Variants in PCDHGB4 observed in about 807,000 individuals in gnomAD.
PCDHGB4 encodes the protein protocadherin gamma-B4.
A neutral mutation model predicts 60.5 loss-of-function variants in PCDHGB4; 38 were observed. That is an observed-to-expected ratio of 0.63 (90% CI 0.48 to 0.82). The LOEUF is 0.82. Among genes scored for constraint, PCDHGB4 ranks in the 40% least tolerant of loss-of-function variants. PCDHGB4 has a pLI of 0.00. For missense variants in PCDHGB4, 1,109 were observed against 1,209.6 expected, an observed-to-expected ratio of 0.92 and a Z score of 1.23; for synonymous variants, 456 against 509.7, an observed-to-expected ratio of 0.89 and a Z score of 1.42.
intron 1 of PCDHGB4, chr5:141,403,588 C>CGGTG (rs773103981): frequency 1.2e-6 from 2 of 1,613,904 alleles, no homozygotes; most frequent in East Asian, 2.2e-5. Flanking sequence ...ACCTGGTCCT[C>CGGTG]ACGGCCTCGG....
rs1319222603 is a variant in PCDHGB4 at position 141,438,686 on chromosome 5, A to G, written c.2397+48405A>G. Among the ~76,000 whole-genome samples the G allele has an allele frequency of 2.8e-5, 4 of 140,922 alleles. No homozygotes were observed. The Admixed American group carries it at 2.9e-4, about 10-fold the overall frequency. 92.5% of individuals were successfully genotyped at this position (140,922 alleles called of 152,430 possible). On this transcript the variant is annotated intron_variant, in intron 1 of 3. Transcript: ENST00000519479. ...TATATATATTTGGAGTAGGGGATGGAGTCTTGCTCTGTCACCCAGGCTGGA... is the reference window on the plus strand; with the variant it reads ...TATATATATTTGGAGTAGGGGATGGGGTCTTGCTCTGTCACCCAGGCTGGA...
chr5:141,431,624 G>C lies in PCDHGB4; in HGVS notation c.2397+41343G>C. The C allele has an allele frequency of 2.5e-6, 4 of 1,614,234 alleles. No individual in the cohort carries two copies. Among genetic ancestry groups the C allele is most frequent in the Non-Finnish European group, 3.4e-6 (4 of 1,180,038 alleles). On this transcript the variant is annotated intron_variant, in intron 1 of 3. Transcript: ENST00000519479. This position sits in a 1 kb window ranked among gnomAD's most constrained non-coding sequence, Gnocchi z 4.8. ...CTTCCGGTATGTGGACGACAAGGCG[G>C]CCCAAGTTTTCAAACTAGATTGTAA...
Position 141,388,717 on chromosome 5 carries a change from C to T in PCDHGB4, c.833C>T (p.Thr278Ile), listed in dbSNP as rs544297444. The T allele has an allele frequency of 2.5e-6, 4 of 1,614,022 alleles. No homozygotes were observed. The highest frequency in any genetic ancestry group is 3.4e-6 in the Non-Finnish European group (4 of 1,179,890). Residue 278 changes from threonine (T) to isoleucine (I), a missense_variant, in exon 1 of 4, where the codon ACT (threonine) becomes ATT (isoleucine). Transcript: ENST00000519479. ...GATGAGGGTGTCAATGCCGAGATTA[C>T]TTTCTCTTTCAGTGAAGCTAGCCAG... ...DQDEGVNAEI[T>I]FSFSEASQIT...
chr5:141,506,061 G>A (rs1260513343), intron 3 of PCDHGB4, among the ~76,000 whole-genome samples: 2 of 152,144 alleles, frequency 1.3e-5, no homozygotes, highest in Non-Finnish European at 2.9e-5. Flanking sequence ...GGTTGACTAA[G>A]GGCTTCCTTT....
intron 1 of PCDHGB4, among the ~76,000 whole-genome samples, chr5:141,401,533 CA>C: frequency 6.6e-6 from 1 of 151,790 alleles, no homozygotes; most frequent in East Asian, 1.9e-4. Flanking sequence ...AAGAAACTTA[CA>C]AAAAAAAGGA....
At chr5:141,478,161 C>T (rs201111122) in intron 1 of PCDHGB4, 20 of 1,613,852 alleles carry the variant, frequency 1.2e-5, no homozygotes, top group Admixed American at 3.3e-5. Context: ...TCTGGCTCTG[C>T]CCCCCGGGAG....
chr5:141,444,043 T>C (rs542828018), intron 1 of PCDHGB4, among the ~76,000 whole-genome samples: 1 of 151,820 alleles, frequency 6.6e-6, no homozygotes, highest in African/African-American at 2.4e-5. Context: ...AATCAGATAA[T>C]TTGGCATCTT....
Position 141,432,771 on chromosome 5 carries a change from T to G in PCDHGB4, c.2397+42490T>G. The G allele has an allele frequency of 6.2e-7, 1 of 1,614,006 alleles. No homozygotes were observed. The highest frequency in any genetic ancestry group is 8.5e-7 in the Non-Finnish European group (1 of 1,179,966). On this transcript the variant is annotated intron_variant, in intron 1 of 3. Coordinates refer to ENST00000519479, the MANE Select transcript of PCDHGB4 (RefSeq NM_003736.4). This position sits in a 1 kb window ranked among gnomAD's most constrained non-coding sequence, Gnocchi z 6.0. ...GCCGTGGCCGACAGCATCCCCCAAG[T>G]CCTGGCGGACCTCGGCAGCCTCGAG...
chr5:141,447,738 A>C (rs1365302023), intron 1 of PCDHGB4, among the ~76,000 whole-genome samples: 7 of 152,216 alleles, frequency 4.6e-5, no homozygotes, highest in Non-Finnish European at 8.8e-5. Context: ...ATTGAACTTA[A>C]GAGTCTTGCA....
intron 1 of PCDHGB4, chr5:141,433,070 C>T: frequency 6.2e-7 from 1 of 1,614,174 alleles, no homozygotes; most frequent in Non-Finnish European, 8.5e-7. Flanking sequence ...CCTGATCTTC[C>T]CCCAGCCCAA....
chr5:141,394,454 A>G (rs1394596470), intron 1 of PCDHGB4: 2 of 1,614,212 alleles, frequency 1.2e-6, no homozygotes, highest in Admixed American at 1.7e-5. Context: ...GCAACATGTC[A>G]CTGAGCCTGT....
intron 1 of PCDHGB4, chr5:141,421,708 C>T (rs2096594348): frequency 1.9e-6 from 3 of 1,613,780 alleles, no homozygotes; most frequent in South Asian, 2.2e-5. Flanking sequence ...TGCTAGGGAT[C>T]CAGATGTGGG....
At position 141,408,836 on chromosome 5, in the gene PCDHGB4, T is replaced by C. The variant is rs772595834; in HGVS notation, c.2397+18555T>C. The C allele has an allele frequency of 5.0e-6, 8 of 1,613,680 alleles. No individual in the cohort carries two copies. In the South Asian group the frequency reaches 6.6e-5, roughly 13 times the overall value. ...AGAACAGAGATCTCATAGCTTGATA[T>C]TGACTGCCTTGGACGGAGGGGACCC... On this transcript the variant is annotated intron_variant, in intron 1 of 3. Transcript: ENST00000519479.
Position 141,399,638 on chromosome 5 carries a change from G to A in PCDHGB4, c.2397+9357G>A, listed in dbSNP as rs1180030777. The A allele has an allele frequency of 3.7e-6, 6 of 1,613,860 alleles. No individual in the cohort carries two copies. The highest frequency in any genetic ancestry group is 1.3e-5 in the African/African-American group (1 of 75,082). ...GCACTGGCCTCTTACGTGTCCATGAGCGCGCAAAGTGGGGTGGTGTTCGCG... is the reference window on the plus strand; with the variant it reads ...GCACTGGCCTCTTACGTGTCCATGAACGCGCAAAGTGGGGTGGTGTTCGCG... On this transcript the variant is annotated intron_variant, in intron 1 of 3. Coordinates refer to ENST00000519479, the MANE Select transcript of PCDHGB4 (RefSeq NM_003736.4).
chr5:141,399,750 C>A, intron 1 of PCDHGB4: 1 of 1,613,330 alleles, frequency 6.2e-7, no homozygotes, highest in Non-Finnish European at 8.5e-7. Flanking sequence ...TCAGCGCAAA[C>A]GTGAGCCTGC....
intron 2 of PCDHGB4, among the ~76,000 whole-genome samples, 170 bp from the exon 3 acceptor site, chr5:141,505,223 A>G (rs746167057): frequency 1.9e-4 from 29 of 152,176 alleles, no homozygotes; most frequent in Admixed American, 6.5e-5. Flanking sequence ...GACTTGTGGG[A>G]TTCTGGCTTC....
intron 1 of PCDHGB4, chr5:141,403,280 G>GT: frequency 6.2e-7 from 1 of 1,613,894 alleles, no homozygotes; most frequent in Non-Finnish European, 8.5e-7. Flanking sequence ...TAAAGTCCTG[G>GT]TTGAAGACAG....
chr5:141,414,791 G>A (rs375736950), intron 1 of PCDHGB4: 43 of 1,614,120 alleles, frequency 2.7e-5, no homozygotes, highest in Non-Finnish European at 3.3e-5. Context: ...GTGACAGCCA[G>A]CGACAGCGGG....
chr5:141,415,494 C>T lies in PCDHGB4; in HGVS notation c.2397+25213C>T, dbSNP rs377609539. 2.5e-6 allele frequency: 4 copies of T among 1,614,110 alleles called. No homozygotes were observed. The African/African-American group carries it at 4.0e-5, about 16-fold the overall frequency. ...CGGACTCGCGAAAGAGTCACCTGAT[C>T]TTCCCCCAGCCCAATTATGCGGACA... On this transcript the variant is annotated intron_variant, in intron 1 of 3. Transcript: ENST00000519479.
Sources: gnomAD v4.1 joint callset for allele counts (sites outside exome capture counted in the v4.1 genomes callset) on GRCh38, gnomAD v4.1.1 for gene constraint, Gnocchi (gnomAD v3.1) non-coding constraint, MANE v1.5 for transcripts, NCBI Gene and HGNC (gene_info 2026-07-23, HGNC 2026-07-21) for gene names.